The following NBEA variants were observed in gnomAD, a reference collection of about 807,000 sequenced individuals.
NBEA encodes the protein neurobeachin, also known as lysosomal-trafficking regulator 2.
NBEA carries 44 observed loss-of-function variants against 343.4 expected under a neutral mutation model. That is an observed-to-expected ratio of 0.13 (90% CI 0.10 to 0.16). The LOEUF (loss-of-function observed/expected upper bound fraction) is 0.16, where lower values mean the gene tolerates loss of function less well. Among genes scored for constraint, NBEA ranks in the 10% least tolerant of loss-of-function variants. The pLI is 1.00. For missense variants in NBEA, 2,555 were observed against 3,631.3 expected, an observed-to-expected ratio of 0.70 and a Z score of 7.62; for synonymous variants, 1,175 against 1,238.7, an observed-to-expected ratio of 0.95 and a Z score of 1.08.
At chr13:35,420,851 C>CAAAA (rs2044227214) in intron 38 of NBEA, among the ~76,000 whole-genome samples, 1 of 151,838 alleles carries the variant, frequency 6.6e-6, no homozygotes, top group African/African-American at 2.4e-5. Flanking sequence ...TCCCCTTTTT[C>CAAAA]ATTCCTGATA....
chr13:35,370,453 G>T (rs1031829672), intron 38 of NBEA, among the ~76,000 whole-genome samples: 1 of 151,910 alleles, frequency 6.6e-6, no homozygotes, highest in African/African-American at 2.4e-5. Flanking sequence ...ATTCCTGTAA[G>T]CAGCATATAG....
intron 38 of NBEA, among the ~76,000 whole-genome samples, chr13:35,354,960 A>C (rs1260665619): frequency 6.6e-6 from 1 of 152,040 alleles, no homozygotes; most frequent in Non-Finnish European, 1.5e-5. Flanking sequence ...TTTTCTTCCA[A>C]ACCAGTTTCT....
chr13:35,102,623 C>T (rs1019484039), intron 11 of NBEA, among the ~76,000 whole-genome samples: 3 of 151,536 alleles, frequency 2.0e-5, no homozygotes, highest in Non-Finnish European at 4.4e-5. Flanking sequence ...ATTTGATGCC[C>T]TTAAAATTTT....
At chr13:35,143,793 C>CA (rs1484776567) in intron 18 of NBEA, among the ~76,000 whole-genome samples, 1 of 151,616 alleles carries the variant, frequency 6.6e-6, no homozygotes, top group Non-Finnish European at 1.5e-5. Context: ...TGCTTGATCC[C>CA]AGGAGGTCTG....
At chr13:35,411,893 A>G (rs1174973394) in intron 38 of NBEA, among the ~76,000 whole-genome samples, 1 of 152,046 alleles carries the variant, frequency 6.6e-6, no homozygotes, top group Non-Finnish European at 1.5e-5. Context: ...AATTCTTCCC[A>G]TGTTTTTTTA....
At chr13:34,949,337 G>A (rs1047270103) in intron 1 of NBEA, among the ~76,000 whole-genome samples, 5 of 152,136 alleles carry the variant, frequency 3.3e-5, no homozygotes, top group South Asian at 2.1e-4. Context: ...TTTTGGTTGC[G>A]AATTCAACTC....
chr13:35,034,314 T>C (rs545675657), intron 1 of NBEA, among the ~76,000 whole-genome samples: 2 of 152,050 alleles, frequency 1.3e-5, no homozygotes, highest in South Asian at 4.2e-4. Flanking sequence ...ATCAGATTGA[T>C]TGATTTGTAT....
intron 34 of NBEA, among the ~76,000 whole-genome samples, chr13:35,239,700 T>C (rs1457025775): frequency 6.6e-6 from 1 of 152,028 alleles, no homozygotes; most frequent in Non-Finnish European, 1.5e-5. Flanking sequence ...TCTATAGGTA[T>C]ATGTATACTA....
rs140553125 is a variant in NBEA, at chr13:35,083,781, G to A, written c.1571+12929G>A. Among the ~76,000 whole-genome samples the A allele has an allele frequency of 1.3e-4, 19 of 151,640 alleles. 1 individual carries two copies. The East Asian group carries it at 3.5e-3, about 28-fold the overall frequency. On this transcript the variant is annotated intron_variant, in intron 10 of 58. Coordinates refer to ENST00000379939, the MANE Select transcript of NBEA (RefSeq NM_001385012.1). ...CAATATTAACCTTAAATGTAAATGG[G>A]GTAAATGCTCCAATTAAAAGACCCA... is the stretch of plus-strand genomic sequence containing the variant.
chr13:35,097,133 T>A (rs919461483), intron 10 of NBEA, among the ~76,000 whole-genome samples: 12 of 151,932 alleles, frequency 7.9e-5, no homozygotes, highest in Admixed American at 6.6e-5. Context: ...GTTCTTGTTA[T>A]GAGAACATTT....
intron 35 of NBEA, among the ~76,000 whole-genome samples, chr13:35,296,797 G>C (rs1418685747): frequency 6.6e-6 from 1 of 151,270 alleles, no homozygotes; most frequent in Non-Finnish European, 1.5e-5. Flanking sequence ...CTTTTTTGGT[G>C]GTAAATTTTC....
intron 34 of NBEA, among the ~76,000 whole-genome samples, chr13:35,283,009 A>G (rs1056673118): frequency 2.0e-5 from 3 of 152,170 alleles, no homozygotes; most frequent in African/African-American, 4.8e-5. Context: ...CACAGACAGT[A>G]GGTGTTAATA....
intron 36 of NBEA, among the ~76,000 whole-genome samples, chr13:35,317,712 C>T (rs1169994048): frequency 6.6e-6 from 1 of 152,162 alleles, no homozygotes; most frequent in African/African-American, 2.4e-5. Flanking sequence ...GCCATTTTCA[C>T]AATATTGATT....
At chr13:35,024,566 G>A (rs888559157) in intron 1 of NBEA, among the ~76,000 whole-genome samples, 1 of 152,056 alleles carries the variant, frequency 6.6e-6, no homozygotes, top group African/African-American at 2.4e-5. Flanking sequence ...TGTAGTCCCA[G>A]TTACTTGGGA....
intron 1 of NBEA, among the ~76,000 whole-genome samples, chr13:34,974,858 C>T (rs2060113388): frequency 6.6e-6 from 1 of 152,160 alleles, no homozygotes; most frequent in Non-Finnish European, 1.5e-5. Context: ...AGCTTGTTCA[C>T]TTGCTGGTTC....
rs1273144188 is a variant in NBEA at position 35,606,590 on chromosome 13, T to C, written c.7449+12T>C. 6.3e-7 allele frequency: 1 copy of C among 1,580,612 alleles called. No individual in the cohort carries two copies. The highest frequency in any genetic ancestry group is 8.6e-7 in the Non-Finnish European group (1 of 1,159,502). ...GGATCAACAGGATGGTAAGAGAGAT[T>C]TTGCTTTTGCTTGGGCAGTCATCAG... is the stretch of plus-strand genomic sequence containing the variant. On this transcript the variant is annotated intron_variant, in intron 48 of 58. Coordinates refer to ENST00000379939, the MANE Select transcript of NBEA (RefSeq NM_001385012.1).
intron 57 of NBEA, 75 bp downstream of exon 57, chr13:35,667,645 T>C: frequency 7.6e-7 from 1 of 1,309,384 alleles, no homozygotes; most frequent in Non-Finnish European, 1.1e-6. Context: ...ATTAAATAAT[T>C]CATAATAGAA....
intron 5 of NBEA, among the ~76,000 whole-genome samples, 163 bp from the exon 6 acceptor site, chr13:35,050,106 T>C (rs2063012623): frequency 6.8e-6 from 1 of 147,672 alleles, no homozygotes; most frequent in Non-Finnish European, 1.5e-5. Flanking sequence ...TATTTACTTA[T>C]AACTAACCTT....
chr13:35,528,444 TAA>T (rs990203223), intron 41 of NBEA, among the ~76,000 whole-genome samples: 1 of 152,196 alleles, frequency 6.6e-6, no homozygotes, highest in Non-Finnish European at 1.5e-5. Flanking sequence ...CACAACTTGA[TAA>T]AAACTACAAT....
Sources: allele counts gnomAD v4.1 joint callset (sites outside exome capture counted in the v4.1 genomes callset), GRCh38; gene constraint gnomAD v4.1.1; transcripts MANE v1.5; gene names NCBI Gene and HGNC (gene_info 2026-07-23, HGNC 2026-07-21).